Variants in KNTC1 observed in about 807,000 individuals in gnomAD.
KNTC1 encodes the protein kinetochore-associated protein 1.
Under a neutral mutation model 314.4 loss-of-function variants are expected in KNTC1, and 253 were observed. The observed-to-expected ratio is 0.80, with a 90% confidence interval of 0.73 to 0.89. The LOEUF is 0.89. KNTC1 is among the 40% of genes least tolerant of loss of function. The pLI is 0.00. For missense variants in KNTC1, 2,475 were observed against 2,572.9 expected (o/e 0.96, Z 0.82); for synonymous variants, 901 against 901.4 (o/e 1.00, Z 0.01).
intron 18 of KNTC1, among the ~76,000 whole-genome samples, chr12:122,558,111 G>A (rs950633370): frequency 2.0e-5 from 3 of 151,724 alleles, no homozygotes; most frequent in South Asian, 2.1e-4. Flanking sequence ...TTAGTTGGGC[G>A]TGGTGGCACG....
chr12:122,542,888 C>A (rs1411642533), intron 6 of KNTC1, among the ~76,000 whole-genome samples: 1 of 152,024 alleles, frequency 6.6e-6, no homozygotes, highest in East Asian at 1.9e-4. Flanking sequence ...AGGTATTTAA[C>A]ATTTTGTTTT....
chr12:122,601,213 G>C (rs1296412445), intron 44 of KNTC1, among the ~76,000 whole-genome samples: 1 of 152,010 alleles, frequency 6.6e-6, no homozygotes, highest in Non-Finnish European at 1.5e-5. Flanking sequence ...CTCCCGAGTA[G>C]CTGGGACTAC....
chr12:122,566,657 G>A (rs777371757), intron 20 of KNTC1, among the ~76,000 whole-genome samples: 2 of 151,582 alleles, frequency 1.3e-5, no homozygotes, highest in Admixed American at 6.6e-5. Context: ...TGATCTGCCC[G>A]CCTTGGCCTC....
At chr12:122,576,358 C>T (rs1468421344) in intron 29 of KNTC1, among the ~76,000 whole-genome samples, 1 of 152,040 alleles carries the variant, frequency 6.6e-6, no homozygotes, top group Non-Finnish European at 1.5e-5. Context: ...CGTGAGCTAC[C>T]GCTCCTGGGC....
In KNTC1 at chr12:122,603,066, G is replaced by A. The variant is rs1247882200; in HGVS notation, c.4924G>A (p.Val1642Ile). The change falls in exon 48 of 64, where the codon GTT becomes ATT. Residue 1642 changes from valine to isoleucine, a missense_variant. Val to Ile is a conservative substitution (Grantham distance 29). Transcript: ENST00000333479. ...TCTGTACGTGTCTACAGCAAAACACGTTTTCGAAAAAAAACTGAAGCCAAA... is the reference window on the plus strand; with the variant it reads ...TCTGTACGTGTCTACAGCAAAACACATTTTCGAAAAAAAACTGAAGCCAAA... ...DTLYVSTAKH[V>I]FEKKLKPKLL... 1.9e-6 allele frequency: 3 copies of A among 1,613,572 alleles called. No homozygotes were observed. Among genetic ancestry groups the A allele is most frequent in the East Asian group, 2.2e-5 (1 of 44,870 alleles).
At position 122,551,518 on chromosome 12, in the gene KNTC1, A is replaced by G. The variant is rs1351991415; in HGVS notation, c.1191A>G (p.Glu397=). The change falls in exon 15 of 64, where the codon GAA becomes GAG. Residue 397 remains glutamate (E), a synonymous_variant. Transcript: ENST00000333479. ...GATGTCTTACGGAAGCTTTACCAGA[A>G]AACAGGTAACTTCTCATTTTTTTTT... ...VLRCLTEALP[E]NRLSRLLHKH... 4 of 1,605,674 alleles carry G rather than the reference A, an allele frequency of 2.5e-6. No individual in the cohort carries two copies. The Admixed American group carries it at 5.1e-5, about 21-fold the overall frequency.
In KNTC1 at chr12:122,557,666, A is replaced by T; in HGVS notation, c.1465A>T (p.Met489Leu). The change falls in exon 18 of 64, where the codon ATG becomes TTG. Residue 489 changes from methionine (M) to leucine (L), a missense_variant. By Grantham distance (15) the Met-to-Leu change is conservative. Coordinates refer to ENST00000333479, the MANE Select transcript of KNTC1 (RefSeq NM_014708.6). ...GATAACCTATGAAACCACTCAAGAG[A>T]TGCTGAATTATGCCAAAACCAGGGT... Reference protein sequence around the residue: ...QWITYETTQEMLNYAKTRLLK... With the variant: ...QWITYETTQELLNYAKTRLLK... 6.2e-7 allele frequency: 1 copy of T among 1,613,010 alleles called. No homozygotes were observed. Among genetic ancestry groups the T allele is most frequent in the Non-Finnish European group, 8.5e-7 (1 of 1,179,472 alleles).
At position 122,613,775 on chromosome 12, in the gene KNTC1, A is replaced by G. The variant is rs751765066; in HGVS notation, c.5877+14A>G. ...CACGAGTCCATGGTAGGTACACCTC[A>G]CTGCCCCATTCCCAATTCCCTGCCC... On this transcript the variant is annotated intron_variant, in intron 55 of 63. Coordinates refer to ENST00000333479, the MANE Select transcript of KNTC1 (RefSeq NM_014708.6). The G allele has an allele frequency of 6.3e-7, 1 of 1,581,390 alleles. No homozygotes were observed. Among genetic ancestry groups the G allele is most frequent in the African/African-American group, 1.4e-5 (1 of 73,186 alleles).
At chr12:122,547,776 T>G in intron 11 of KNTC1, 139 bp from the exon 12 acceptor site, 1 of 612,414 alleles carries the variant, frequency 1.6e-6, no homozygotes, top group Admixed American at 3.4e-5. Flanking sequence ...CTATTACATT[T>G]TATTTTTTAT....
intron 42 of KNTC1, among the ~76,000 whole-genome samples, chr12:122,592,121 G>GCCGGCCGGC (rs1488377239): frequency 6.6e-6 from 1 of 152,188 alleles, no homozygotes; most frequent in Non-Finnish European, 1.5e-5. Flanking sequence ...ACTCGGAGCG[G>GCCGGCCGGC]CCGGCCGGCC....
intron 26 of KNTC1, among the ~76,000 whole-genome samples, chr12:122,573,779 TGATTAG>T (rs1964852856): frequency 6.6e-6 from 1 of 152,220 alleles, no homozygotes; most frequent in Non-Finnish European, 1.5e-5. Context: ...TTTGAGTTTC[TGATTAG>T]CCTTTCCAAA....
chr12:122,538,532 A>G (rs1962033295), intron 4 of KNTC1, 78 bp downstream of exon 4: 5 of 771,176 alleles, frequency 6.5e-6, no homozygotes, highest in Non-Finnish European at 8.2e-6. Context: ...CTAGCAAACT[A>G]TTACTTAACA....
At chr12:122,604,713 C>T in intron 49 of KNTC1, 76 bp downstream of exon 49, 2 of 1,258,428 alleles carry the variant, frequency 1.6e-6, no homozygotes. Context: ...CCTTCTCATG[C>T]TGCCCTGGTG....
intron 2 of KNTC1, among the ~76,000 whole-genome samples, chr12:122,532,368 C>T (rs555538139): frequency 1.3e-5 from 2 of 151,922 alleles, no homozygotes; most frequent in South Asian, 4.2e-4. Flanking sequence ...GCCACCACAC[C>T]CAGCTAATTT....
intron 19 of KNTC1, 78 bp downstream of exon 19, chr12:122,562,052 T>G (rs1964011668): frequency 1.1e-5 from 15 of 1,401,234 alleles, no homozygotes; most frequent in Non-Finnish European, 1.5e-5. Flanking sequence ...AATAGACCCG[T>G]ATTTTATCAA....
At chr12:122,537,031 T>C (rs1398873412) in intron 3 of KNTC1, among the ~76,000 whole-genome samples, 2 of 152,228 alleles carry the variant, frequency 1.3e-5, no homozygotes, top group Admixed American at 6.5e-5. Flanking sequence ...TGAGTAACGA[T>C]GATCCATTTG....
Position 122,547,423 on chromosome 12 carries a change from G to C in KNTC1, c.825G>C (p.Leu275=). The change falls in exon 11 of 64, where the codon CTG becomes CTC. Residue 275 remains leucine (L), a synonymous_variant. Coordinates refer to ENST00000333479, the MANE Select transcript of KNTC1 (RefSeq NM_014708.6). ...LLFVLDTDNV[L]SLWDIYTLTP... ...AAATGTCTCTATTGCAGAACGTGCT[G>C]AGTTTATGGGATATTTACACTCTAA... 3.7e-6 allele frequency: 6 copies of C among 1,602,234 alleles called. No homozygotes were observed. The highest frequency in any genetic ancestry group is 5.1e-6 in the Non-Finnish European group (6 of 1,169,762).
At chr12:122,550,128 G>A (rs1963085374) in intron 13 of KNTC1, among the ~76,000 whole-genome samples, 1 of 150,022 alleles carries the variant, frequency 6.7e-6, no homozygotes, top group Non-Finnish European at 1.5e-5. Flanking sequence ...TGTCTCTACA[G>A]GAAGTATAGA....
intron 18 of KNTC1, among the ~76,000 whole-genome samples, chr12:122,558,409 G>A (rs930017562): frequency 5.9e-5 from 9 of 151,772 alleles, no homozygotes; most frequent in Non-Finnish European, 1.0e-4. Flanking sequence ...AAAATTAGCC[G>A]GGTGTGGTGT....
Sources: allele counts gnomAD v4.1 joint callset (sites outside exome capture counted in the v4.1 genomes callset), GRCh38; gene constraint gnomAD v4.1.1; transcripts MANE v1.5; gene names NCBI Gene and HGNC (gene_info 2026-07-23, HGNC 2026-07-21).